The following ACTG2 variants were observed in gnomAD, a reference collection of about 807,000 sequenced individuals.
The protein encoded by ACTG2 is actin gamma 2, smooth muscle, also known as actin, gamma-enteric smooth muscle.
A neutral mutation model predicts 37.6 loss-of-function variants in ACTG2; 16 were observed. The observed-to-expected ratio is 0.43, with a 90% CI of 0.29 to 0.65. The LOEUF (loss-of-function observed/expected upper bound fraction) is 0.65, where lower values mean the gene tolerates loss of function less well. Ranked by LOEUF, ACTG2 falls within the 30% of genes least tolerant of loss-of-function variation. ACTG2 has a pLI of 0.18. For missense variants in ACTG2, 238 were observed against 490.9 expected, an observed-to-expected ratio of 0.48 and a Z score of 4.87; for synonymous variants, 181 against 179.9, an observed-to-expected ratio of 1.01 and a Z score of -0.05.
intron 5 of ACTG2, among the ~76,000 whole-genome samples, chr2:73,913,040 GCA>G (rs1239851833): frequency 6.6e-6 from 1 of 151,760 alleles, no homozygotes; most frequent in Non-Finnish European, 1.5e-5. Flanking sequence ...GTGGTGGCAG[GCA>G]CCTGTAATCC....
intron 1 of ACTG2, among the ~76,000 whole-genome samples, chr2:73,894,919 G>A (rs905542760): frequency 1.3e-5 from 2 of 152,208 alleles, no homozygotes; most frequent in East Asian, 3.8e-4. Context: ...TTAATCTGGA[G>A]GGTATCTGTT....
intron 1 of ACTG2, among the ~76,000 whole-genome samples, chr2:73,894,764 C>T (rs531413137): frequency 1.3e-5 from 2 of 152,262 alleles, no homozygotes; most frequent in Admixed American, 6.5e-5. Flanking sequence ...GAAGCATGGT[C>T]TTTGGGACTC....
At chr2:73,896,778 A>G (rs1679756712) in intron 1 of ACTG2, 1 of 152,218 alleles carries the variant, frequency 6.6e-6, no homozygotes, top group Non-Finnish European at 1.5e-5. Flanking sequence ...TTCCTGAGTC[A>G]GTGAGAGCTT....
At chr2:73,904,777 G>GTGTATGTATGTATATATATA (rs1427483105) in intron 3 of ACTG2, among the ~76,000 whole-genome samples, 1 of 42,608 alleles carries the variant, frequency 2.3e-5, no homozygotes, top group African/African-American at 7.8e-5. Flanking sequence ...GTGTGTGTGT[G>GTGTATGTATGTATATATATA]TATATATATA....
chr2:73,903,758 G>A (rs994114532), intron 3 of ACTG2, among the ~76,000 whole-genome samples: 1 of 151,986 alleles, frequency 6.6e-6, no homozygotes, highest in African/African-American at 2.4e-5. Context: ...TGGCCAACAT[G>A]ATGAAACCCC....
At chr2:73,895,190 C>T (rs1465478564) in intron 1 of ACTG2, among the ~76,000 whole-genome samples, 1 of 150,552 alleles carries the variant, frequency 6.6e-6, no homozygotes, top group Non-Finnish European at 1.5e-5. Flanking sequence ...GTTGGGGTGC[C>T]AGGGGGGTTT....
chr2:73,905,859 A>G (rs1680004611), intron 3 of ACTG2, among the ~76,000 whole-genome samples: 1 of 152,158 alleles, frequency 6.6e-6, no homozygotes, highest in African/African-American at 2.4e-5. Flanking sequence ...CCAAAAATCA[A>G]AGACACCATG....
rs531386683 is a variant in ACTG2 at position 73,900,309 on chromosome 2, T to C, written c.-36-967T>C. ...GCAATCTCTGACTGTCTTCCGAGGC[T>C]CTGTTGCTTCTCCTTCATCACCAAA... is the stretch of plus-strand genomic sequence containing the variant. On this transcript the variant is annotated intron_variant, in intron 1 of 8. Transcript: ENST00000345517. Among the ~76,000 whole-genome samples, 7 of 152,318 alleles carry C rather than the reference T, an allele frequency of 4.6e-5. No homozygotes were observed. The South Asian group carries it at 1.4e-3, about 32-fold the overall frequency.
chr2:73,901,394 C>T lies in ACTG2; in HGVS notation c.83C>T (p.Pro28Leu), dbSNP rs1558622209. ...GCAGGCTTCGCAGGAGATGATGCCC[C>T]CCGGGCTGTCTTCCCCTCCATTGTG... ...CKAGFAGDDA[P>L]RAVFPSIVGR... is the part of the protein sequence containing the mutation. The change falls in exon 2 of 9, where the codon CCC (proline) becomes CTC (leucine). Residue 28 changes from proline (P) to leucine (L), a missense_variant. Pro to Leu is a moderately conservative substitution (Grantham distance 98). Coordinates refer to ENST00000345517, the MANE Select transcript of ACTG2 (RefSeq NM_001615.4). 1.2e-6 allele frequency: 2 copies of T among 1,614,192 alleles called. No individual in the cohort carries two copies. Among genetic ancestry groups the T allele is most frequent in the Non-Finnish European group, 1.7e-6 (2 of 1,180,036 alleles).
chr2:73,908,766 A>G lies in ACTG2; in HGVS notation c.349A>G (p.Arg117Gly). 1 of 1,613,462 alleles carries G rather than the reference A, an allele frequency of 6.2e-7. No individual in the cohort carries two copies. The highest frequency in any genetic ancestry group is 8.5e-7 in the Non-Finnish European group (1 of 1,179,348). ...GGCTCCCCTAAATCCCAAGGCCAAC[A>G]GGGAAAAGATGACCCAGGTAAGAAG... ...TEAPLNPKAN[R>G]EKMTQIMFET... Residue 117 changes from arginine (R) to glycine (G), a missense_variant, in exon 4 of 9, where the codon AGG (arginine) becomes GGG (glycine). Arg to Gly is a moderately radical substitution (Grantham distance 125, BLOSUM62 -2). Transcript: ENST00000345517.
intron 3 of ACTG2, chr2:73,908,191 G>C (rs1483751687): frequency 2.2e-6 from 1 of 449,266 alleles, no homozygotes; most frequent in Non-Finnish European, 4.5e-6. Context: ...GAGAGCTTGA[G>C]CTCTGAAAGA....
chr2:73,908,603 T>A, intron 3 of ACTG2, 70 bp from the exon 4 acceptor site: 1 of 1,294,058 alleles, frequency 7.7e-7, no homozygotes, highest in South Asian at 1.3e-5. Flanking sequence ...TCTCCCAGCA[T>A]GGGAATGTCA....
At chr2:73,902,542 G>C (rs1243233526) in intron 3 of ACTG2, 54 bp downstream of exon 3, 2 of 1,605,764 alleles carry the variant, frequency 1.2e-6, no homozygotes, top group Non-Finnish European at 1.7e-6. Context: ...CCATCATCAT[G>C]ACCCTCGTAT....
rs702461 is a variant in ACTG2 at position 73,908,670 on chromosome 2, T to C, written c.256-3T>C. ...AGGCTCATATGGCTTTTGTCTCCAC[T>C]AGATCTGGCACCACTCCTTCTACAA... On this transcript the variant is annotated splice_region_variant and splice_polypyrimidine_tract_variant and intron_variant, in intron 3 of 8. Transcript: ENST00000345517. 0.65 allele frequency: 1,041,483 copies of C among 1,595,148 alleles called. 344,313 individuals are homozygous for C. The highest frequency in any genetic ancestry group is 0.77 in the Admixed American group (42,545 of 55,124).
intron 3 of ACTG2, 190 bp downstream of exon 3, chr2:73,902,678 A>G (rs750912891): frequency 3.8e-5 from 59 of 1,551,700 alleles, no homozygotes; most frequent in Middle Eastern, 1.7e-4. Flanking sequence ...GGACTATTGC[A>G]ATGGCTTCCT....
intron 2 of ACTG2, 94 bp downstream of exon 2, chr2:73,901,531 A>AGTGTGT: frequency 1.7e-6 from 2 of 1,202,126 alleles, no homozygotes; most frequent in South Asian, 1.5e-5. Flanking sequence ...AGGGGAAGGA[A>AGTGTGT]ATGTGTGTGT....
At position 73,919,299 on chromosome 2, in the gene ACTG2, C is replaced by A. The variant is rs867116203; in HGVS notation, c.988-133C>A. The A allele has an allele frequency of 2.1e-5, 23 of 1,086,134 alleles. No homozygotes were observed. The African/African-American group carries it at 3.3e-4, about 16-fold the overall frequency. The allele number at this position is 1,086,134 out of a possible 1,614,324, so 67.3% of individuals were successfully genotyped here. A position where few individuals can be genotyped will look rare whatever the true frequency, so the allele number is the denominator to read the frequency against. ...GGAAGTGAAGGTTTTGAGCAATAAT[C>A]TAATCTATCACAATGTTTCTCCTGT... On this transcript the variant is annotated intron_variant, in intron 8 of 8. Coordinates refer to ENST00000345517, the MANE Select transcript of ACTG2 (RefSeq NM_001615.4).
chr2:73,905,446 T>C (rs1679997506), intron 3 of ACTG2, among the ~76,000 whole-genome samples: 1 of 152,002 alleles, frequency 6.6e-6, no homozygotes, highest in African/African-American at 2.4e-5. Flanking sequence ...TTAATGCAAA[T>C]TGACAATTAA....
Position 73,906,465 on chromosome 2 carries a change from A to AAATAAATAAATAAAT in ACTG2, c.256-2206_256-2205insTAAATAAATAAATAA, listed in dbSNP as rs1553395537. 2.4e-3 allele frequency among the ~76,000 whole-genome samples: 353 copies of AAATAAATAAATAAAT among 149,854 alleles called. 3 individuals are homozygous for AAATAAATAAATAAAT. The highest frequency in any genetic ancestry group is 8.1e-3 in the African/African-American group (334 of 41,050). On this transcript the variant is annotated intron_variant, in intron 3 of 8. Transcript: ENST00000345517. ...GACTCCATCTCAAAATAAAAAATAA[A>AAATAAATAAATAAAT]AAATAAATAAATAAATAAATACATA...
Sources: gnomAD v4.1 joint callset for allele counts (sites outside exome capture counted in the v4.1 genomes callset) on GRCh38, gnomAD v4.1.1 for gene constraint, MANE v1.5 for transcripts, NCBI Gene and HGNC (gene_info 2026-07-23, HGNC 2026-07-21) for gene names.